FBLN2: variants seen among roughly 807,000 people sequenced by gnomAD.
The protein encoded by FBLN2 is fibulin 2.
FBLN2 carries 81 observed loss-of-function variants against 123.7 expected under a neutral mutation model. That is an observed-to-expected ratio of 0.65 (90% CI 0.55 to 0.79). The LOEUF is 0.79. FBLN2 is among the 30% of genes least tolerant of loss of function. The pLI is 0.00. For synonymous variants in FBLN2, 699 were observed against 701.4 expected (o/e 1.00, Z 0.05); for missense variants, 1,603 against 1,681.3 (o/e 0.95, Z 0.81).
At chr3:13,598,677 A>G (rs1704927571) in intron 2 of FBLN2, among the ~76,000 whole-genome samples, 1 of 152,178 alleles carries the variant, frequency 6.6e-6, no homozygotes, top group African/African-American at 2.4e-5. Context: ...TATTTCACCC[A>G]GCCCCAGATT....
chr3:13,569,532 C>T (rs753411674), intron 1 of FBLN2, among the ~76,000 whole-genome samples: 11 of 147,012 alleles, frequency 7.5e-5, no homozygotes, highest in Non-Finnish European at 1.0e-4. Flanking sequence ...AGACAGATTG[C>T]GGGGAGAATG....
intron 2 of FBLN2, among the ~76,000 whole-genome samples, chr3:13,580,868 G>C: frequency 6.6e-6 from 1 of 152,240 alleles, no homozygotes; most frequent in Admixed American, 6.5e-5. Context: ...GGGCCAGTTG[G>C]GCAGTCCTGC....
chr3:13,629,977 G>A (rs750261012), intron 14 of FBLN2, 32 bp downstream of exon 14: 7 of 1,606,206 alleles, frequency 4.4e-6, no homozygotes, highest in East Asian at 2.2e-5. Context: ...ACCCTATGCC[G>A]CCTGGTATCT....
Position 13,549,149 on chromosome 3 carries a change from C to T in FBLN2, c.-101C>T. ...CGCACACAGCCAGGGGCCGCCCGGGCTCTCGACGCGCCGACGGCCGGGCGG... is the reference window on the plus strand; with the variant it reads ...CGCACACAGCCAGGGGCCGCCCGGGTTCTCGACGCGCCGACGGCCGGGCGG... On this transcript the variant is annotated 5_prime_UTR_variant, in exon 1 of 18. Transcript: ENST00000404922. 2.0e-6 allele frequency: 2 copies of T among 982,878 alleles called. No individual in the cohort carries two copies. The highest frequency in any genetic ancestry group is 2.4e-6 in the Non-Finnish European group (2 of 828,964). The allele number at this position is 982,878 out of a possible 1,614,324, so 60.9% of individuals were successfully genotyped here. A position where few individuals can be genotyped will look rare whatever the true frequency, so the allele number is the denominator to read the frequency against.
chr3:13,568,472 A>C (rs996773329), intron 1 of FBLN2, among the ~76,000 whole-genome samples: 1 of 152,112 alleles, frequency 6.6e-6, no homozygotes, highest in Admixed American at 6.5e-5. Context: ...GGTCCCTTGC[A>C]CTGGAGAGTC....
At chr3:13,593,155 G>C (rs1324826239) in intron 2 of FBLN2, among the ~76,000 whole-genome samples, 1 of 152,184 alleles carries the variant, frequency 6.6e-6, no homozygotes, top group Non-Finnish European at 1.5e-5. Context: ...GAACTGCAAA[G>C]CATTGAGGTG....
intron 2 of FBLN2, among the ~76,000 whole-genome samples, chr3:13,584,766 G>A (rs1361546215): frequency 2.0e-5 from 3 of 152,210 alleles, no homozygotes; most frequent in African/African-American, 7.2e-5. Context: ...GGGAATCAGG[G>A]ACTGTCCGCA....
At chr3:13,607,811 G>T (rs565807561) in intron 2 of FBLN2, among the ~76,000 whole-genome samples, 1 of 152,272 alleles carries the variant, frequency 6.6e-6, no homozygotes, top group South Asian at 2.1e-4. Flanking sequence ...TGCTTTGAGA[G>T]TGGGGGCTGA....
At chr3:13,559,866 T>C (rs750167623) in intron 1 of FBLN2, among the ~76,000 whole-genome samples, 5 of 152,146 alleles carry the variant, frequency 3.3e-5, no homozygotes, top group Non-Finnish European at 7.4e-5. Flanking sequence ...ATGTGGAGCA[T>C]GCCTGGGGAT....
chr3:13,633,917 C>T (rs1485785933), intron 16 of FBLN2, among the ~76,000 whole-genome samples: 1 of 140,772 alleles, frequency 7.1e-6, no homozygotes, highest in Non-Finnish European at 1.5e-5. Context: ...ATGCATTTCC[C>T]TCCAGTCTTT....
chr3:13,579,703 A>G (rs1446549622), intron 2 of FBLN2, among the ~76,000 whole-genome samples: 1 of 152,194 alleles, frequency 6.6e-6, no homozygotes, highest in Non-Finnish European at 1.5e-5. Flanking sequence ...TTACTGATGG[A>G]TATTCAGGTT....
intron 16 of FBLN2, among the ~76,000 whole-genome samples, chr3:13,631,949 A>G (rs1015377255): frequency 3.9e-5 from 6 of 152,090 alleles, no homozygotes; most frequent in African/African-American, 1.4e-4. Context: ...TCTCCTCATC[A>G]GAGCTGTGTA....
Position 13,570,417 on chromosome 3 carries a change from G to A in FBLN2, c.62G>A (p.Gly21Asp). 1.3e-6 allele frequency: 2 copies of A among 1,575,498 alleles called. No homozygotes were observed. Among genetic ancestry groups the A allele is most frequent in the Non-Finnish European group, 8.6e-7 (1 of 1,162,022 alleles). Residue 21 changes from glycine to aspartate, a missense_variant, in exon 2 of 18, where the codon GGC becomes GAC. Transcript: ENST00000404922. ...GCTCTGGGCCTGGCCCTGGCCCTGG[G>A]CCCCAGCGTGGCCGCAGCTGCCCCT... The part of the protein sequence containing the change: ...WLALGLALAL[G>D]PSVAAAAPRQ...
At chr3:13,598,849 G>A (rs948673270) in intron 2 of FBLN2, among the ~76,000 whole-genome samples, 1 of 152,222 alleles carries the variant, frequency 6.6e-6, no homozygotes, top group African/African-American at 2.4e-5. Context: ...AGAGGAGGGA[G>A]CTGCTTTTCC....
At chr3:13,585,775 G>C (rs1452707431) in intron 2 of FBLN2, among the ~76,000 whole-genome samples, 1 of 152,172 alleles carries the variant, frequency 6.6e-6, no homozygotes. Context: ...TGGGCAACAA[G>C]AGTGAAACTC....
intron 14 of FBLN2, 121 bp downstream of exon 14, chr3:13,630,066 C>T (rs1706203910): frequency 7.3e-7 from 1 of 1,363,018 alleles, no homozygotes; most frequent in South Asian, 1.3e-5. Context: ...CACACCTTCA[C>T]CCATGCTGGC....
intron 1 of FBLN2, chr3:13,569,094 G>T (rs1703837388): frequency 1.0e-6 from 1 of 976,002 alleles, no homozygotes; most frequent in Non-Finnish European, 1.2e-6. Context: ...CGGCCACTGG[G>T]TCACAAGTGG....
intron 5 of FBLN2, among the ~76,000 whole-genome samples, chr3:13,617,453 C>CCCAT: frequency 6.6e-6 from 1 of 150,476 alleles, no homozygotes; most frequent in Non-Finnish European, 1.5e-5. Context: ...CATCCACCCA[C>CCCAT]CCATCCATCC....
chr3:13,576,856 C>T (rs1704163760), intron 2 of FBLN2, among the ~76,000 whole-genome samples: 1 of 152,162 alleles, frequency 6.6e-6, no homozygotes, highest in Non-Finnish European at 1.5e-5. Flanking sequence ...ACAGTGCTGA[C>T]ATTCTGTTGG....
Sources: gnomAD v4.1 joint callset for allele counts (sites outside exome capture counted in the v4.1 genomes callset) on GRCh38, gnomAD v4.1.1 for gene constraint, MANE v1.5 for transcripts, NCBI Gene and HGNC (gene_info 2026-07-23, HGNC 2026-07-21) for gene names.